MARK3: variants seen among roughly 807,000 people sequenced by gnomAD.
The protein encoded by MARK3 is MAP/microtubule affinity-regulating kinase 3.
In MARK3, 46 loss-of-function variants were observed where a neutral mutation model predicts 90.1. The ratio of observed to expected loss-of-function variants is 0.51; its 90% CI spans 0.40 to 0.65. The LOEUF (loss-of-function observed/expected upper bound fraction) is 0.65, where lower values mean the gene tolerates loss of function less well. Ranked by LOEUF, MARK3 falls within the 30% of genes least tolerant of loss-of-function variation. The pLI, the probability that MARK3 is intolerant of heterozygous loss-of-function variation, is 0.00. For missense variants in MARK3, 818 were observed against 947.2 expected (o/e 0.86, Z 1.79); for synonymous variants, 321 against 332.6 (o/e 0.97, Z 0.38).
chr14:103,503,185 C>A lies in MARK3; in HGVS notation c.2220C>A (p.Phe740Leu). 6.2e-7 allele frequency: 1 copy of A among 1,611,968 alleles called. No individual in the cohort carries two copies. The highest frequency in any genetic ancestry group is 8.5e-7 in the Non-Finnish European group (1 of 1,178,426). The change falls in exon 18 of 18, where the codon TTC (phenylalanine) becomes TTA (leucine). Residue 740 changes from phenylalanine (F) to leucine (L), a missense_variant. Phe to Leu is a conservative substitution (Grantham distance 22). Transcript: ENST00000429436. ...GGATATCGGGGACATCCATAGCCTT[C>A]AAAAATATTGCTTCCAAAATTGCCA... ...FKRISGTSIAFKNIASKIANE... is the reference protein window; with the variant it reads ...FKRISGTSIALKNIASKIANE...
intron 2 of MARK3, among the ~76,000 whole-genome samples, chr14:103,422,097 CATTATCT>C (rs2092243933): frequency 6.6e-6 from 1 of 152,120 alleles, no homozygotes; most frequent in Non-Finnish European, 1.5e-5. Context: ...CAGGTTTAGG[CATTATCT>C]ATTGACATTT....
At chr14:103,410,648 G>A (rs2091576061) in intron 2 of MARK3, among the ~76,000 whole-genome samples, 1 of 152,102 alleles carries the variant, frequency 6.6e-6, no homozygotes, top group Non-Finnish European at 1.5e-5. Flanking sequence ...ACTGCATTGT[G>A]CTATGATTGT....
At chr14:103,456,247 C>T (rs753890013) in intron 5 of MARK3, among the ~76,000 whole-genome samples, 4 of 152,182 alleles carry the variant, frequency 2.6e-5, no homozygotes, top group African/African-American at 4.8e-5. Flanking sequence ...TGATCTCCCT[C>T]TTGGTCTTCC....
At chr14:103,397,604 C>T (rs1026228145) in intron 1 of MARK3, among the ~76,000 whole-genome samples, 4 of 152,146 alleles carry the variant, frequency 2.6e-5, no homozygotes, top group African/African-American at 7.2e-5. Context: ...GGATTACAGG[C>T]GTGAGCTACC....
intron 3 of MARK3, among the ~76,000 whole-genome samples, chr14:103,443,149 A>C (rs1470523600): frequency 6.6e-6 from 1 of 152,250 alleles, no homozygotes; most frequent in Non-Finnish European, 1.5e-5. Flanking sequence ...TTTCTAGGAA[A>C]ACATGACTTA....
chr14:103,443,877 A>T (rs952603236), intron 3 of MARK3, among the ~76,000 whole-genome samples: 2 of 151,892 alleles, frequency 1.3e-5, no homozygotes, highest in African/African-American at 4.8e-5. Flanking sequence ...TCTTCCATTT[A>T]GGTGCTGTGG....
intron 12 of MARK3, among the ~76,000 whole-genome samples, chr14:103,472,599 A>C (rs1460294465): frequency 6.8e-6 from 1 of 147,870 alleles, no homozygotes; most frequent in African/African-American, 2.5e-5. Context: ...GTGAGCCAAG[A>C]TCATGCCACT....
rs1490091244 is a variant in MARK3, at chr14:103,491,976, A to C, written c.1786A>C (p.Thr596Pro). The change falls in exon 15 of 18, where the codon ACT becomes CCT. Residue 596 changes from threonine (T) to proline (P), a missense_variant. This residue lies in a region of MARK3 where 560 missense variants were observed against 613.5 expected (regional missense o/e 0.91). Transcript: ENST00000429436. ...CCATGAAGCCACACCATTGTCCCAGACTCGAAGCCGAGGCTCCACTAATCT... is the reference window on the plus strand; with the variant it reads ...CCATGAAGCCACACCATTGTCCCAGCCTCGAAGCCGAGGCTCCACTAATCT... ...LSHEATPLSQ[T>P]RSRGSTNLFS... The C allele has an allele frequency of 6.2e-7, 1 of 1,614,008 alleles. No homozygotes were observed. The highest frequency in any genetic ancestry group is 8.5e-7 in the Non-Finnish European group (1 of 1,180,040).
intron 2 of MARK3, among the ~76,000 whole-genome samples, chr14:103,407,646 C>T (rs1018573083): frequency 6.1e-5 from 9 of 146,380 alleles, no homozygotes; most frequent in Non-Finnish European, 1.0e-4. Flanking sequence ...CTGTAACCTC[C>T]GCCTCCTGGG....
intron 1 of MARK3, among the ~76,000 whole-genome samples, chr14:103,396,875 T>G (rs1160686887): frequency 6.6e-6 from 1 of 152,138 alleles, no homozygotes; most frequent in Admixed American, 6.6e-5. Context: ...TAGCCACATG[T>G]GGGGCTACCA....
rs2075777420 is a variant in MARK3 at position 103,503,457 on chromosome 14, G to T, written c.*230G>T. 5.5e-6 allele frequency: 3 copies of T among 542,402 alleles called. No individual in the cohort carries two copies. Among genetic ancestry groups the T allele is most frequent in the Non-Finnish European group, 6.5e-6 (2 of 306,576 alleles). The allele number at this position is 542,402 out of a possible 1,614,324, so 33.6% of individuals were successfully genotyped here. ...CTGCCCTACTTCCGTTACCCTGAGA[G>T]TCGGTGTGTGGCCCCATCTCCATGT... On this transcript the variant is annotated 3_prime_UTR_variant, in exon 18 of 18. Transcript: ENST00000429436.
intron 6 of MARK3, chr14:103,458,632 AAATT>A (rs2093331858): frequency 7.2e-6 from 4 of 559,060 alleles, no homozygotes; most frequent in Non-Finnish European, 9.6e-6. Flanking sequence ...CACTGCTTTT[AAATT>A]AATTCTGTAT....
At chr14:103,407,554 C>T (rs997489461) in intron 2 of MARK3, among the ~76,000 whole-genome samples, 22 of 71,668 alleles carry the variant, frequency 3.1e-4, no homozygotes, top group South Asian at 6.4e-4. Context: ...TGTTTTGCCT[C>T]TTTTTTTTTT....
intron 1 of MARK3, among the ~76,000 whole-genome samples, chr14:103,393,217 T>C (rs1321030032): frequency 6.6e-6 from 1 of 152,136 alleles, no homozygotes; most frequent in Non-Finnish European, 1.5e-5. Context: ...CCTGACCTCA[T>C]GATCCTCCCA....
At chr14:103,391,557 T>A (rs1398479726) in intron 1 of MARK3, among the ~76,000 whole-genome samples, 1 of 144,032 alleles carries the variant, frequency 6.9e-6, no homozygotes, top group Non-Finnish European at 1.5e-5. Context: ...TTTTTTTTTT[T>A]AATTGAGATG....
chr14:103,386,414 C>G (rs755837128), intron 1 of MARK3: 3 of 620,602 alleles, frequency 4.8e-6, no homozygotes, highest in South Asian at 4.5e-5. Context: ...CTGCAGTGGT[C>G]AGTGCTTATT....
chr14:103,449,103 T>C (rs2093067580), intron 4 of MARK3, 136 bp downstream of exon 4: 1 of 1,041,882 alleles, frequency 9.6e-7, no homozygotes, highest in Admixed American at 3.1e-5. Context: ...TCATTTGTAT[T>C]AGCTTTTTGA....
chr14:103,422,192 T>C (rs1266622520), intron 2 of MARK3, among the ~76,000 whole-genome samples: 1 of 152,226 alleles, frequency 6.6e-6, no homozygotes, highest in East Asian at 1.9e-4. Flanking sequence ...CAATGGCTCA[T>C]GCCTGTGAAT....
At position 103,449,097 on chromosome 14, in the gene MARK3, T is replaced by C. The variant is rs937913148; in HGVS notation, c.346+130T>C. On this transcript the variant is annotated intron_variant, in intron 4 of 17. Transcript: ENST00000429436. The stretch of plus-strand genomic sequence containing the variant: ...AATATATATACAAGTTGTTGATCAT[T>C]TGTATTAGCTTTTTGAAATTGCTGA... 1.4e-5 allele frequency: 15 copies of C among 1,063,162 alleles called. No homozygotes were observed. In the African/African-American group the frequency reaches 2.5e-4, roughly 17 times the overall value. The allele number at this position is 1,063,162 out of a possible 1,614,324, so 65.9% of individuals were successfully genotyped here. A position where few individuals can be genotyped will look rare whatever the true frequency, so the allele number is the denominator to read the frequency against.
Sources: gnomAD v4.1 joint callset for allele counts (sites outside exome capture counted in the v4.1 genomes callset) on GRCh38, gnomAD v4.1.1 for gene constraint, gnomAD v4.1.1 regional missense constraint, MANE v1.5 for transcripts, NCBI Gene and HGNC (gene_info 2026-07-23, HGNC 2026-07-21) for gene names.